The following FAM13C variants were observed in gnomAD, a reference collection of about 807,000 sequenced individuals.
FAM13C encodes protein FAM13C.
Under a neutral mutation model 73.2 loss-of-function variants are expected in FAM13C, and 37 were observed. The ratio of observed to expected loss-of-function variants is 0.51; its 90% confidence interval spans 0.39 to 0.67. The LOEUF (loss-of-function observed/expected upper bound fraction) is 0.67. FAM13C is among the 30% of genes least tolerant of loss of function. FAM13C has a pLI of 0.00. For missense variants in FAM13C, 589 were observed against 715.6 expected (o/e 0.82, Z 2.02); for synonymous variants, 246 against 260.9 (o/e 0.94, Z 0.55).
intron 4 of FAM13C, among the ~76,000 whole-genome samples, chr10:59,318,647 T>A (rs1849828159): frequency 6.6e-6 from 1 of 150,674 alleles, no homozygotes; most frequent in African/African-American, 2.5e-5. Flanking sequence ...CACCAGGTTG[T>A]TTCTGCATCC....
At chr10:59,293,240 A>AT (rs372798310) in intron 5 of FAM13C, among the ~76,000 whole-genome samples, 41,783 of 149,642 alleles carry the variant, frequency 0.28, 6,253 homozygotes, top group South Asian at 0.37. Flanking sequence ...TGCCCAGCTA[A>AT]TTTTTTTTTG....
intron 7 of FAM13C, among the ~76,000 whole-genome samples, chr10:59,269,096 G>A (rs1196343603): frequency 1.3e-5 from 2 of 151,938 alleles, no homozygotes; most frequent in Non-Finnish European, 2.9e-5. Context: ...TTTTTAATAT[G>A]ATGAAAGGAT....
In FAM13C at chr10:59,247,479, C is replaced by T; in HGVS notation, c.*135G>A. The T allele has an allele frequency of 9.4e-7, 1 of 1,064,442 alleles. No homozygotes were observed. Among genetic ancestry groups the T allele is most frequent in the East Asian group, 2.4e-5 (1 of 41,068 alleles). 65.9% of individuals were successfully genotyped at this position (1,064,442 alleles called of 1,614,324 possible). On this transcript the variant is annotated 3_prime_UTR_variant, in exon 14 of 14. Coordinates refer to ENST00000618804, the MANE Select transcript of FAM13C (RefSeq NM_198215.4). ...TTGTATATAATTAAACTTGCTATTC[C>T]TTCTTAAAAACAGCTAATACTACCA...
intron 10 of FAM13C, among the ~76,000 whole-genome samples, chr10:59,257,018 C>T (rs2251968): frequency 0.75 from 113,394 of 151,984 alleles, 44,511 homozygotes; most frequent in East Asian, 0.9. Context: ...TTTATGTTTT[C>T]GGTTACACGT....
At chr10:59,277,945 T>A (rs1241400692) in intron 6 of FAM13C, among the ~76,000 whole-genome samples, 2 of 152,170 alleles carry the variant, frequency 1.3e-5, no homozygotes, top group African/African-American at 4.8e-5. Flanking sequence ...TTCGTTTTCA[T>A]GTTGCTGATA....
chr10:59,259,199 G>A (rs1842234630), intron 10 of FAM13C, among the ~76,000 whole-genome samples: 1 of 152,170 alleles, frequency 6.6e-6, no homozygotes, highest in Non-Finnish European at 1.5e-5. Context: ...AGTATCTGAA[G>A]CAACAAGGCA....
chr10:59,271,858 C>T (rs1283458549), intron 6 of FAM13C, among the ~76,000 whole-genome samples: 1 of 152,132 alleles, frequency 6.6e-6, no homozygotes. Context: ...TTAGCAGGCA[C>T]CTGGGACCAC....
intron 3 of FAM13C, among the ~76,000 whole-genome samples, chr10:59,345,899 G>A (rs1854232677): frequency 6.6e-6 from 1 of 152,200 alleles, no homozygotes; most frequent in African/African-American, 2.4e-5. Flanking sequence ...GAACTAAGGT[G>A]TCAAAACAAT....
At chr10:59,320,005 C>T (rs1850011810) in intron 4 of FAM13C, among the ~76,000 whole-genome samples, 1 of 152,116 alleles carries the variant, frequency 6.6e-6, no homozygotes, top group African/African-American at 2.4e-5. Flanking sequence ...GCTACAGAGT[C>T]CCCAGGAGCA....
intron 6 of FAM13C, among the ~76,000 whole-genome samples, chr10:59,273,558 A>C (rs1344130216): frequency 6.6e-6 from 1 of 152,122 alleles, no homozygotes; most frequent in African/African-American, 2.4e-5. Context: ...GATTTTTTGC[A>C]TGTATTTAAT....
chr10:59,247,156 A>G lies in FAM13C; in HGVS notation c.*458T>C, dbSNP rs1359801852. 12 of 157,510 alleles carry G rather than the reference A, an allele frequency of 7.6e-5. No individual in the cohort carries two copies. Among genetic ancestry groups the G allele is most frequent in the Non-Finnish European group, 1.5e-4 (11 of 71,886 alleles). 9.8% of individuals were successfully genotyped at this position (157,510 alleles called of 1,614,324 possible). A position where few individuals can be genotyped will look rare whatever the true frequency, so the allele number is the denominator to read the frequency against. On this transcript the variant is annotated 3_prime_UTR_variant, in exon 14 of 14. Coordinates refer to ENST00000618804, the MANE Select transcript of FAM13C (RefSeq NM_198215.4). ...AAAATCCATTAGAAGTTTCAAATAA[A>G]TTGCTTTCTTGCTAGCTGTATTCCT...
At chr10:59,357,043 C>A (rs1037255179) in intron 1 of FAM13C, among the ~76,000 whole-genome samples, 4 of 152,146 alleles carry the variant, frequency 2.6e-5, no homozygotes, top group Non-Finnish European at 4.4e-5. Flanking sequence ...GTGCCTTTGG[C>A]CACAGACTGA....
intron 5 of FAM13C, among the ~76,000 whole-genome samples, chr10:59,301,992 G>C (rs1186653634): frequency 2.7e-5 from 4 of 148,870 alleles, no homozygotes; most frequent in Admixed American, 6.8e-5. Context: ...AGGAGGAAGG[G>C]ATGCATCTTC....
At chr10:59,264,402 G>C (rs542677583) in intron 8 of FAM13C, among the ~76,000 whole-genome samples, 1 of 152,236 alleles carries the variant, frequency 6.6e-6, no homozygotes, top group Admixed American at 6.5e-5. Context: ...TTTAATCCTT[G>C]CTATGGGCAC....
chr10:59,279,425 G>A (rs1844683388), intron 6 of FAM13C, among the ~76,000 whole-genome samples: 1 of 152,150 alleles, frequency 6.6e-6, no homozygotes, highest in Non-Finnish European at 1.5e-5. Context: ...TACTACATTA[G>A]TGTCTTACCC....
chr10:59,292,058 G>A (rs1284288543), intron 5 of FAM13C, among the ~76,000 whole-genome samples: 2 of 152,122 alleles, frequency 1.3e-5, no homozygotes, highest in Non-Finnish European at 2.9e-5. Context: ...AAAGTGCTGG[G>A]ATTACACGTG....
At chr10:59,284,976 C>T (rs1253867769) in intron 5 of FAM13C, among the ~76,000 whole-genome samples, 1 of 152,128 alleles carries the variant, frequency 6.6e-6, no homozygotes, top group Non-Finnish European at 1.5e-5. Context: ...CCCTTCCATG[C>T]AAGATCGAGT....
At chr10:59,290,413 G>A (rs1473636985) in intron 5 of FAM13C, among the ~76,000 whole-genome samples, 1 of 152,100 alleles carries the variant, frequency 6.6e-6, no homozygotes, top group Non-Finnish European at 1.5e-5. Flanking sequence ...TCAAAACTGG[G>A]GACATGACTG....
At chr10:59,287,441 G>GAAT (rs1845733569) in intron 5 of FAM13C, among the ~76,000 whole-genome samples, 1 of 149,962 alleles carries the variant, frequency 6.7e-6, no homozygotes, top group African/African-American at 2.5e-5. Flanking sequence ...TAAAAAGAAA[G>GAAT]GCTAGCATTC....
Sources: gnomAD v4.1 joint callset for allele counts (sites outside exome capture counted in the v4.1 genomes callset) on GRCh38, gnomAD v4.1.1 for gene constraint, MANE v1.5 for transcripts, NCBI Gene and HGNC (gene_info 2026-07-23, HGNC 2026-07-21) for gene names.